RPS6KA2: variants seen among roughly 807,000 people sequenced by gnomAD.
RPS6KA2 encodes the protein ribosomal protein S6 kinase A2.
In RPS6KA2, 42 loss-of-function variants were observed where a neutral mutation model predicts 91.8. That is an observed-to-expected ratio of 0.46 (90% CI 0.36 to 0.59). The LOEUF (loss-of-function observed/expected upper bound fraction) is 0.59, where lower values mean the gene tolerates loss of function less well. Ranked by LOEUF, RPS6KA2 falls within the 20% of genes least tolerant of loss-of-function variation. RPS6KA2 has a pLI of 0.00. For missense variants in RPS6KA2, 798 were observed against 978.5 expected (o/e 0.82, Z 2.46); for synonymous variants, 414 against 393.6 (o/e 1.05, Z -0.61).
At position 166,511,773 on chromosome 6, in the gene RPS6KA2, G is replaced by A. The variant is rs116187816; in HGVS notation, c.299-1416C>T. Among the ~76,000 whole-genome samples, 689 of 152,288 alleles carry A rather than the reference G, an allele frequency of 4.5e-3. 10 individuals carry two copies. Among genetic ancestry groups the A allele is most frequent in the African/African-American group, 0.016 (671 of 41,556 alleles). ...TAAGAAATTCTTCACCAAGAATGCT[G>A]CAATAATAAAAAGAAAATAGAAAAT... On this transcript the variant is annotated intron_variant, in intron 3 of 20. Transcript: ENST00000265678.
chr6:166,707,299 C>T (rs745539229), intron 2 of RPS6KA2, among the ~76,000 whole-genome samples: 4 of 152,244 alleles, frequency 2.6e-5, no homozygotes, highest in Non-Finnish European at 5.9e-5. Context: ...GAGCACAGTT[C>T]CGTCTCACCC....
Position 166,770,742 on chromosome 6 carries a change from G to T in RPS6KA2, c.123+87458C>A. 1 of 950,572 alleles carries T rather than the reference G, an allele frequency of 1.1e-6. No homozygotes were observed. Among genetic ancestry groups the T allele is most frequent in the Non-Finnish European group, 1.6e-6 (1 of 635,652 alleles). The allele number at this position is 950,572 out of a possible 1,614,324, so 58.9% of individuals were successfully genotyped here. ...CTAAAAGCTCTTCGCACCTTGCCTT[G>T]CTGGACTCCGGGCACCGTGAAACAA... On this transcript the variant is annotated intron_variant, in intron 2 of 21. Coordinates refer to the RPS6KA2 transcript ENST00000503859. The surrounding 1 kb of genome is among the most constrained non-coding windows in gnomAD (Gnocchi z 5.1).
intron 2 of RPS6KA2, among the ~76,000 whole-genome samples, chr6:166,741,190 G>A (rs180746585): frequency 8.0e-4 from 122 of 152,338 alleles, no homozygotes; most frequent in African/African-American, 2.7e-3. Flanking sequence ...TCTATGCACC[G>A]TTTATACACA....
intron 2 of RPS6KA2, among the ~76,000 whole-genome samples, chr6:166,805,622 C>T (rs1583138843): frequency 2.0e-5 from 3 of 152,262 alleles, no homozygotes; most frequent in South Asian, 4.2e-4. Context: ...AGACAGCCTA[C>T]AACAATTTTT....
At chr6:166,676,613 C>A (rs954213144) in intron 2 of RPS6KA2, among the ~76,000 whole-genome samples, 3 of 152,206 alleles carry the variant, frequency 2.0e-5, no homozygotes, top group African/African-American at 7.2e-5. Flanking sequence ...CAGACTGTCC[C>A]CTCCTGGAGG....
intron 10 of RPS6KA2, among the ~76,000 whole-genome samples, chr6:166,485,856 G>A (rs1488426213): frequency 6.6e-6 from 1 of 152,126 alleles, no homozygotes; most frequent in Non-Finnish European, 1.5e-5. Flanking sequence ...TCTGTCCAAG[G>A]CTGCATCTCC....
chr6:166,751,255 G>A (rs945048473), intron 2 of RPS6KA2, among the ~76,000 whole-genome samples: 1 of 152,246 alleles, frequency 6.6e-6, no homozygotes, highest in African/African-American at 2.4e-5. Flanking sequence ...CCAAGGTGGA[G>A]GCAAGACCAG....
chr6:166,682,667 A>G (rs1263726834), intron 2 of RPS6KA2, among the ~76,000 whole-genome samples: 5 of 152,222 alleles, frequency 3.3e-5, no homozygotes, highest in Admixed American at 1.3e-4. Context: ...CACTAGCAAC[A>G]ACGACACAAA....
At position 166,533,353 on chromosome 6, in the gene RPS6KA2, C is replaced by T. The variant is rs938031320; in HGVS notation, c.217-2040G>A. ...AGGAGGCAGGCGCAGCCCAGGAGTC[C>T]AGGAGCTGGGCAAGGCTGCGTGAGC... On this transcript the variant is annotated intron_variant, in intron 2 of 20. Transcript: ENST00000265678. This position sits in a 1 kb window ranked among gnomAD's most constrained non-coding sequence, Gnocchi z 4.0. Among the ~76,000 whole-genome samples the T allele has an allele frequency of 4.6e-5, 7 of 152,198 alleles. No homozygotes were observed. The highest frequency in any genetic ancestry group is 1.7e-4 in the African/African-American group (7 of 41,444).
intron 2 of RPS6KA2, among the ~76,000 whole-genome samples, chr6:166,808,335 T>C (rs1421321451): frequency 1.3e-5 from 2 of 152,236 alleles, no homozygotes; most frequent in Non-Finnish European, 2.9e-5. Flanking sequence ...AGTCTCTCTT[T>C]ACTCCCTCTC....
intron 2 of RPS6KA2, among the ~76,000 whole-genome samples, chr6:166,680,380 T>A (rs919593411): frequency 2.0e-5 from 3 of 152,192 alleles, no homozygotes; most frequent in Non-Finnish European, 2.9e-5. Flanking sequence ...ATCAGCAGGA[T>A]GTGGGTGGGG....
At chr6:166,699,130 G>A (rs1789436892) in intron 2 of RPS6KA2, among the ~76,000 whole-genome samples, 4 of 152,074 alleles carry the variant, frequency 2.6e-5, no homozygotes, top group Admixed American at 2.0e-4. Flanking sequence ...GAGGAGAGGC[G>A]GCATCATCAG....
intron 9 of RPS6KA2, 45 bp from the exon 10 acceptor site, chr6:166,488,966 G>T: frequency 6.6e-7 from 1 of 1,521,148 alleles, no homozygotes; most frequent in Admixed American, 1.8e-5. Context: ...AGGAGAACAA[G>T]GACAAGCTAT....
At chr6:166,464,996 AAAT>A (rs1425767153) in intron 11 of RPS6KA2, among the ~76,000 whole-genome samples, 278 of 36,894 alleles carry the variant, frequency 7.5e-3, no homozygotes, top group African/African-American at 0.052. Flanking sequence ...TTAAAAAAAT[AAAT>A]AAATAAATAA....
chr6:166,656,071 CAG>C (rs1470764641), intron 2 of RPS6KA2, among the ~76,000 whole-genome samples: 2 of 152,184 alleles, frequency 1.3e-5, no homozygotes, highest in African/African-American at 4.8e-5. Context: ...CCTCTAAACA[CAG>C]GGGAAGCTCA....
chr6:166,415,548 A>G, intron 19 of RPS6KA2, among the ~76,000 whole-genome samples: 1 of 152,090 alleles, frequency 6.6e-6, no homozygotes, highest in Non-Finnish European at 1.5e-5. Context: ...GTGAGGCGGC[A>G]GAGACCTCTG....
intron 2 of RPS6KA2, among the ~76,000 whole-genome samples, chr6:166,788,343 C>G (rs1778985785): frequency 6.6e-6 from 1 of 152,120 alleles, no homozygotes; most frequent in African/African-American, 2.4e-5. Flanking sequence ...TGGGTATAGA[C>G]CCAAAGGATT....
intron 11 of RPS6KA2, among the ~76,000 whole-genome samples, chr6:166,460,386 C>T (rs983467769): frequency 2.0e-5 from 3 of 152,228 alleles, no homozygotes; most frequent in African/African-American, 7.2e-5. Context: ...AGAAAGCACA[C>T]ACAGGTACCT....
chr6:166,621,096 G>A (rs544037910), intron 1 of RPS6KA2, among the ~76,000 whole-genome samples: 5 of 152,334 alleles, frequency 3.3e-5, no homozygotes, highest in East Asian at 1.9e-4. Flanking sequence ...AGCATTCGCC[G>A]AATGGAATCA....
Sources: gnomAD v4.1 joint callset for allele counts (sites outside exome capture counted in the v4.1 genomes callset) on GRCh38, gnomAD v4.1.1 for gene constraint, Gnocchi (gnomAD v3.1) non-coding constraint, MANE v1.5 for transcripts, NCBI Gene and HGNC (gene_info 2026-07-23, HGNC 2026-07-21) for gene names.